Variants in ZNF619 observed in about 807,000 individuals in gnomAD.
ZNF619 encodes zinc finger protein 619.
In ZNF619, 9 loss-of-function variants were observed where a neutral mutation model predicts 14.2. The observed-to-expected ratio is 0.64, with a 90% CI of 0.38 to 1.11. The LOEUF (loss-of-function observed/expected upper bound fraction) is 1.11, where lower values mean the gene tolerates loss of function less well. ZNF619 is among the 50% of genes least tolerant of loss of function. ZNF619 has a pLI of 0.01. For missense variants in ZNF619, 659 were observed against 680.1 expected (o/e 0.97, Z 0.34); for synonymous variants, 246 against 252.8 (o/e 0.97, Z 0.26).
rs1195462645 is a variant in ZNF619, at chr3:40,488,619, CAGAT to C, written c.*380_*383del. On this transcript the variant is annotated 3_prime_UTR_variant, in exon 5 of 5. Coordinates refer to ENST00000432264, the MANE Select transcript of ZNF619 (RefSeq NM_001145093.4). Reference sequence around the variant, plus strand: ...TGCAAAGCCTATGGGAGAACATAATCAGATAAAGTGTCCAATGATTGCTTTCAAG... The same window carrying C: ...TGCAAAGCCTATGGGAGAACATAATCAAAGTGTCCAATGATTGCTTTCAAG... 9 of 174,008 alleles carry C rather than the reference CAGAT, an allele frequency of 5.2e-5. No individual in the cohort carries two copies. The highest frequency in any genetic ancestry group is 1.8e-4 in the Admixed American group (3 of 17,044). 10.8% of individuals were successfully genotyped at this position (174,008 alleles called of 1,614,324 possible).
intron 4 of ZNF619, among the ~76,000 whole-genome samples, chr3:40,485,179 C>A (rs1282547843): frequency 7.2e-5 from 11 of 152,100 alleles, no homozygotes; most frequent in Non-Finnish European, 1.5e-5. Flanking sequence ...AATCTAGAAC[C>A]ATATTCTTTA....
At position 40,483,672 on chromosome 3, in the gene ZNF619, A is replaced by T. The variant is rs933448619; in HGVS notation, c.295+968A>T. 2.4e-5 allele frequency: 11 copies of T among 450,790 alleles called. No homozygotes were observed. The East Asian group carries it at 7.9e-4, about 32-fold the overall frequency. The allele number at this position is 450,790 out of a possible 1,614,324, so 27.9% of individuals were successfully genotyped here. A position where few individuals can be genotyped will look rare whatever the true frequency, so the allele number is the denominator to read the frequency against. On this transcript the variant is annotated intron_variant, in intron 4 of 4. Coordinates refer to ENST00000432264, the MANE Select transcript of ZNF619 (RefSeq NM_001145093.4). The stretch of plus-strand genomic sequence containing the variant: ...AGACAGAGTTTCACTTTTGTTGCCC[A>T]GGCTGGAGTGCAATGGCGTGATCTT...
At chr3:40,482,772 G>A (rs916622550) in intron 4 of ZNF619, 68 bp downstream of exon 4, 4 of 1,268,550 alleles carry the variant, frequency 3.2e-6, no homozygotes, top group Middle Eastern at 2.0e-4. Flanking sequence ...AATTTAGCAT[G>A]AAAAAGGTTT....
At position 40,487,401 on chromosome 3, in the gene ZNF619, C is replaced by T; in HGVS notation, c.891C>T (p.Phe297=). The T allele has an allele frequency of 1.2e-6, 2 of 1,614,226 alleles. No individual in the cohort carries two copies. Among genetic ancestry groups the T allele is most frequent in the East Asian group, 4.5e-5 (2 of 44,880 alleles). The change falls in exon 5 of 5, where the codon TTC becomes TTT. Residue 297 remains phenylalanine, a synonymous_variant. Coordinates refer to ENST00000432264, the MANE Select transcript of ZNF619 (RefSeq NM_001145093.4). ...AATGTACTGACTGTGGTAAAACCTT[C>T]AGTTATAATTCAAAACTGATTCGGC... ...PYECTDCGKT[F]SYNSKLIRHQ...
chr3:40,481,739 C>T, intron 2 of ZNF619, 124 bp from the exon 3 acceptor site: 1 of 1,297,428 alleles, frequency 7.7e-7, no homozygotes. Context: ...CTCGGGGCTG[C>T]CCCTGCTGGG....
Position 40,481,979 on chromosome 3 carries a change from G to C in ZNF619, c.141G>C (p.Glu47Asp). 1 of 1,606,804 alleles carries C rather than the reference G, an allele frequency of 6.2e-7. No homozygotes were observed. Among genetic ancestry groups the C allele is most frequent in the Non-Finnish European group, 8.5e-7 (1 of 1,177,884 alleles). Reference sequence around the variant, plus strand: ...CTACGCAGAGGGCCCTATACAGGGAGGTGATGCTGGAGAATTATGCAAATG... The same window carrying C: ...CTACGCAGAGGGCCCTATACAGGGACGTGATGCTGGAGAATTATGCAAATG... ...LHPTQRALYREVMLENYANVT... is the reference protein window; with the variant it reads ...LHPTQRALYRDVMLENYANVT... The change falls in exon 3 of 5, where the codon GAG becomes GAC. Residue 47 changes from glutamate to aspartate, a missense_variant. Physicochemically the swap from Glu to Asp is conservative, Grantham distance 45 (BLOSUM62 2). Transcript: ENST00000432264.
In ZNF619 at chr3:40,488,214, C is replaced by A; in HGVS notation, c.1704C>A (p.Ser568Arg). ...TTCCTGGGAAGTCATCCCTTCAGAG[C>A]CCGAATCCTTTGTCTCACTCCCTGT... ...LAFPGKSSLQSPNPLSHSL is the reference protein window; with the variant it reads ...LAFPGKSSLQRPNPLSHSL Residue 568 changes from serine (S) to arginine (R), a missense_variant, in exon 5 of 5, where the codon AGC becomes AGA. Physicochemically the swap from Ser to Arg is moderately radical, Grantham distance 110. Coordinates refer to ENST00000432264, the MANE Select transcript of ZNF619 (RefSeq NM_001145093.4). 6.3e-7 allele frequency: 1 copy of A among 1,592,736 alleles called. No individual in the cohort carries two copies. The highest frequency in any genetic ancestry group is 1.7e-4 in the Middle Eastern group (1 of 5,966).
chr3:40,480,716 G>T (rs552498499), intron 2 of ZNF619, among the ~76,000 whole-genome samples: 1 of 152,124 alleles, frequency 6.6e-6, no homozygotes, highest in East Asian at 1.9e-4. Context: ...TAGCCAGGAT[G>T]GTCTTGATCT....
Position 40,487,064 on chromosome 3 carries a change from G to A in ZNF619, c.554G>A (p.Ser185Asn), listed in dbSNP as rs1311017730. The A allele has an allele frequency of 2.5e-6, 4 of 1,614,026 alleles. No individual in the cohort carries two copies. In the Admixed American group the frequency reaches 5.0e-5, roughly 20 times the overall value. ...GAGATAGCCAGGAAATTGGAAGAAA[G>A]TAGTGTCAGCACACATCTCATTACA... Reference protein sequence around the residue: ...REEIARKLEESSVSTHLITKQ... With the variant: ...REEIARKLEENSVSTHLITKQ... The change falls in exon 5 of 5, where the codon AGT becomes AAT. Residue 185 changes from serine to asparagine, a missense_variant. Coordinates refer to ENST00000432264, the MANE Select transcript of ZNF619 (RefSeq NM_001145093.4).
intron 2 of ZNF619, among the ~76,000 whole-genome samples, chr3:40,480,823 T>G (rs1697366909): frequency 6.6e-6 from 1 of 152,156 alleles, no homozygotes; most frequent in Non-Finnish European, 1.5e-5. Flanking sequence ...ACTTCTATGT[T>G]AGATTTCTTC....
Position 40,486,842 on chromosome 3 carries a change from C to T in ZNF619, c.332C>T (p.Ala111Val). The change falls in exon 5 of 5, where the codon GCA becomes GTA. Residue 111 changes from alanine to valine, a missense_variant. Ala to Val is a moderately conservative substitution (Grantham distance 64, BLOSUM62 0). Transcript: ENST00000432264. ...KTKTENEEKT[A>V]QLNISKESES... Reference sequence around the variant, plus strand: ...AAGACTGAGAATGAGGAAAAAACTGCACAGCTAAACATTTCTAAAGAATCA... The same window carrying T: ...AAGACTGAGAATGAGGAAAAAACTGTACAGCTAAACATTTCTAAAGAATCA... The T allele has an allele frequency of 6.2e-7, 1 of 1,605,712 alleles. No individual in the cohort carries two copies. Among genetic ancestry groups the T allele is most frequent in the Non-Finnish European group, 8.5e-7 (1 of 1,177,482 alleles).
intron 4 of ZNF619, among the ~76,000 whole-genome samples, chr3:40,484,118 G>T (rs1447718171): frequency 6.6e-6 from 1 of 151,888 alleles, no homozygotes; most frequent in Non-Finnish European, 1.5e-5. Context: ...TAGAGACAGG[G>T]TTTCACCATG....
rs935338789 is a variant in ZNF619 at position 40,488,438 on chromosome 3, T to C, written c.*197T>C. The C allele has an allele frequency of 2.1e-5, 12 of 558,314 alleles. No individual in the cohort carries two copies. Among genetic ancestry groups the C allele is most frequent in the Middle Eastern group, 4.3e-4 (1 of 2,310 alleles). 34.6% of individuals were successfully genotyped at this position (558,314 alleles called of 1,614,324 possible). On this transcript the variant is annotated 3_prime_UTR_variant, in exon 5 of 5. Coordinates refer to ENST00000432264, the MANE Select transcript of ZNF619 (RefSeq NM_001145093.4). ...CCCCGGTAGGAAATGGCAGTACTTA[T>C]TCTTTATCGTGTCCACATTTGGGCT...
chr3:40,487,066 A>C lies in ZNF619; in HGVS notation c.556A>C (p.Ser186Arg). The C allele has an allele frequency of 1.2e-6, 2 of 1,614,168 alleles. No homozygotes were observed. Among genetic ancestry groups the C allele is most frequent in the Non-Finnish European group, 1.7e-6 (2 of 1,180,044 alleles). ...EEIARKLEES[S>R]VSTHLITKQG... ...GATAGCCAGGAAATTGGAAGAAAGTAGTGTCAGCACACATCTCATTACAAA... is the reference window on the plus strand; with the variant it reads ...GATAGCCAGGAAATTGGAAGAAAGTCGTGTCAGCACACATCTCATTACAAA... The change falls in exon 5 of 5, where the codon AGT becomes CGT. Residue 186 changes from serine (S) to arginine (R), a missense_variant. Coordinates refer to ENST00000432264, the MANE Select transcript of ZNF619 (RefSeq NM_001145093.4).
intron 4 of ZNF619, among the ~76,000 whole-genome samples, chr3:40,484,736 C>T (rs980453921): frequency 2.6e-5 from 4 of 152,278 alleles, no homozygotes; most frequent in African/African-American, 9.6e-5. Flanking sequence ...AATTAATTTA[C>T]ATTTAAATAG....
Position 40,490,763 on chromosome 3 carries a change from A to G in ZNF619, c.*2522A>G, listed in dbSNP as rs1697780864. On this transcript the variant is annotated 3_prime_UTR_variant, in exon 5 of 5. Coordinates refer to ENST00000432264, the MANE Select transcript of ZNF619 (RefSeq NM_001145093.4). ...GTCTAATATGTATAACATAAAAAATATGTGTTAATCGACTGTTTCAGTAAG... is the reference window on the plus strand; with the variant it reads ...GTCTAATATGTATAACATAAAAAATGTGTGTTAATCGACTGTTTCAGTAAG... 1.3e-5 allele frequency among the ~76,000 whole-genome samples: 2 copies of G among 152,200 alleles called. No individual in the cohort carries two copies. Among genetic ancestry groups the G allele is most frequent in the African/African-American group, 4.8e-5 (2 of 41,456 alleles).
rs143013771 is a variant in ZNF619, at chr3:40,490,484, T to G, written c.*2243T>G. On this transcript the variant is annotated 3_prime_UTR_variant, in exon 5 of 5. Transcript: ENST00000432264. ...AGACTAGGGAAAGTCTGAACCTTCT[T>G]AGAGATTACAGGAGGTCCTTGAACA... Among the ~76,000 whole-genome samples, 791 of 152,268 alleles carry G rather than the reference T, an allele frequency of 5.2e-3. 5 individuals carry two copies. The highest frequency in any genetic ancestry group is 0.018 in the African/African-American group (767 of 41,552).
In ZNF619 at chr3:40,487,396, A is replaced by C. The variant is rs2125644267; in HGVS notation, c.886A>C (p.Thr296Pro). Reference protein sequence around the residue: ...RPYECTDCGKTFSYNSKLIRH... With the variant: ...RPYECTDCGKPFSYNSKLIRH... ...CTATGAATGTACTGACTGTGGTAAA[A>C]CCTTCAGTTATAATTCAAAACTGAT... The change falls in exon 5 of 5, where the codon ACC (threonine) becomes CCC (proline). Residue 296 changes from threonine (T) to proline (P), a missense_variant. Coordinates refer to ENST00000432264, the MANE Select transcript of ZNF619 (RefSeq NM_001145093.4). The C allele has an allele frequency of 6.2e-7, 1 of 1,614,190 alleles. No homozygotes were observed. Among genetic ancestry groups the C allele is most frequent in the South Asian group, 1.1e-5 (1 of 91,084 alleles).
chr3:40,483,079 A>G (rs1355794047), intron 4 of ZNF619, among the ~76,000 whole-genome samples: 2 of 152,088 alleles, frequency 1.3e-5, no homozygotes, highest in African/African-American at 4.8e-5. Context: ...GCATGGTGGC[A>G]TGTGCCTATA....
Sources: allele counts gnomAD v4.1 joint callset (sites outside exome capture counted in the v4.1 genomes callset), GRCh38; gene constraint gnomAD v4.1.1; transcripts MANE v1.5; gene names NCBI Gene and HGNC (gene_info 2026-07-23, HGNC 2026-07-21).